Variants in OPHN1 observed in about 807,000 individuals in gnomAD.
OPHN1 encodes the protein oligophrenin 1.
In OPHN1, 11 loss-of-function variants were observed where a neutral mutation model predicts 60.7. That is an observed-to-expected ratio of 0.18 (90% confidence interval 0.11 to 0.30). OPHN1 has a LOEUF of 0.30. OPHN1 is among the 10% of genes least tolerant of loss of function. OPHN1 has a pLI of 1.00. For synonymous variants in OPHN1, 226 were observed against 222.6 expected, an observed-to-expected ratio of 1.02 and a Z score of -0.14; for missense variants, 449 against 611.0, an observed-to-expected ratio of 0.73 and a Z score of 2.80.
chrX:68,249,398 GA>G (rs2077822509), intron 5 of OPHN1, among the ~76,000 whole-genome samples: 1 of 112,003 alleles, frequency 8.9e-6, no homozygotes, highest in African/African-American at 3.2e-5. Flanking sequence ...ACCATTCCTT[GA>G]GAATCTCCTA....
At chrX:68,263,439 A>T (rs1324848137) in intron 5 of OPHN1, among the ~76,000 whole-genome samples, 1 of 111,630 alleles carries the variant, frequency 9.0e-6, no homozygotes, top group Non-Finnish European at 1.9e-5. Context: ...GTCCATCGTC[A>T]ATCGGACAGT....
chrX:68,264,044 G>A (rs1404042135), intron 5 of OPHN1, among the ~76,000 whole-genome samples: 1 of 111,184 alleles, frequency 9.0e-6, no homozygotes, highest in Non-Finnish European at 1.9e-5. Flanking sequence ...GGGAAAACTG[G>A]CTACCCATAT....
Position 68,078,992 on chromosome X carries a change from TA to T in OPHN1, c.1687-5694del, listed in dbSNP as rs894810782. On this transcript the variant is annotated intron_variant, in intron 19 of 24. Coordinates refer to ENST00000355520, the MANE Select transcript of OPHN1 (RefSeq NM_002547.3). ...CAGAGCAAGACTGTCTCAAAATAAA[TA>T]AATAAATAAATAAATAAATAAATAA... Among the ~76,000 whole-genome samples the T allele has an allele frequency of 8.0e-4, 77 of 96,667 alleles. 1 individual carries two copies. The highest frequency in any genetic ancestry group is 2.7e-3 in the African/African-American group (77 of 28,131). The allele number at this position is 96,667 out of a possible 115,157, so 83.9% of individuals were successfully genotyped here.
At chrX:68,199,068 T>A (rs1198589503) in intron 11 of OPHN1, among the ~76,000 whole-genome samples, 1 of 112,502 alleles carries the variant, frequency 8.9e-6, no homozygotes, top group African/African-American at 3.2e-5. Flanking sequence ...AAATGGCTGA[T>A]AACAGTGCCT....
At chrX:68,266,298 A>C (rs1357004062) in intron 5 of OPHN1, among the ~76,000 whole-genome samples, 1 of 111,955 alleles carries the variant, frequency 8.9e-6, no homozygotes, top group Non-Finnish European at 1.9e-5. Flanking sequence ...GTTACCCACA[A>C]AGGGAAGTCC....
At position 68,086,605 on chromosome X, in the gene OPHN1, G is replaced by A. The variant is rs144097962; in HGVS notation, c.1686+10265C>T. Among the ~76,000 whole-genome samples, 54 of 112,024 alleles carry A rather than the reference G, an allele frequency of 4.8e-4. 2 individuals carry two copies. The East Asian group carries it at 0.011, about 23-fold the overall frequency. Reference sequence around the variant, plus strand: ...TGAAGGACATGATTGAACAACTAGCGCATTAGGGTAACCACAAAATAAATC... The same window carrying A: ...TGAAGGACATGATTGAACAACTAGCACATTAGGGTAACCACAAAATAAATC... On this transcript the variant is annotated intron_variant, in intron 19 of 24. Coordinates refer to ENST00000355520, the MANE Select transcript of OPHN1 (RefSeq NM_002547.3).
Position 68,356,891 on chromosome X carries a change from G to A in OPHN1, c.155-57795C>T, listed in dbSNP as rs967518900. On this transcript the variant is annotated intron_variant, in intron 2 of 24. Coordinates refer to ENST00000355520, the MANE Select transcript of OPHN1 (RefSeq NM_002547.3). ...AAAGAAGCCAGTCACGAAAAACCTC[G>A]TGTTGTATGATCCCATTTATATAAA... is the stretch of plus-strand genomic sequence containing the variant. 8.1e-5 allele frequency among the ~76,000 whole-genome samples: 9 copies of A among 111,429 alleles called. No homozygotes were observed. In the South Asian group the frequency reaches 1.1e-3, roughly 14 times the overall value.
At chrX:68,392,742 G>C (rs2078659717) in intron 2 of OPHN1, among the ~76,000 whole-genome samples, 1 of 109,171 alleles carries the variant, frequency 9.2e-6, no homozygotes, top group African/African-American at 3.3e-5. Context: ...AGAGAGAACA[G>C]GAGGAATGTC....
chrX:68,098,525 G>A, intron 18 of OPHN1, among the ~76,000 whole-genome samples: 1 of 111,525 alleles, frequency 9.0e-6, no homozygotes, highest in Admixed American at 9.5e-5. Context: ...TAATTGAGGA[G>A]GACAGAATCC....
chrX:68,376,307 T>C (rs1303644121), intron 2 of OPHN1, among the ~76,000 whole-genome samples: 2 of 111,518 alleles, frequency 1.8e-5, no homozygotes. Context: ...GAAGGCTTTC[T>C]AGAGGAGGGG....
intron 2 of OPHN1, among the ~76,000 whole-genome samples, chrX:68,410,084 A>G (rs938675044): frequency 1.8e-5 from 2 of 111,800 alleles, no homozygotes; most frequent in Non-Finnish European, 3.8e-5. Context: ...TGCAAATATT[A>G]TGGATCCTGA....
chrX:68,209,598 C>T (rs1240491321), intron 9 of OPHN1, among the ~76,000 whole-genome samples: 1 of 111,238 alleles, frequency 9.0e-6, no homozygotes, highest in Non-Finnish European at 1.9e-5. Context: ...AACATATGAC[C>T]CTAATGCAGA....
At chrX:68,235,807 G>A (rs1335931564) in intron 5 of OPHN1, among the ~76,000 whole-genome samples, 1 of 110,477 alleles carries the variant, frequency 9.1e-6, no homozygotes, top group African/African-American at 3.3e-5. Flanking sequence ...ACAGTGAGCC[G>A]AGATTGTGCC....
intron 4 of OPHN1, among the ~76,000 whole-genome samples, chrX:68,282,217 A>G (rs778118651): frequency 9.0e-6 from 1 of 111,483 alleles, no homozygotes; most frequent in African/African-American, 3.3e-5. Context: ...AAATCATACA[A>G]TGGGATATTA....
chrX:68,073,087 G>C, intron 20 of OPHN1, 65 bp downstream of exon 20: 1 of 1,123,333 alleles, frequency 8.9e-7, no homozygotes, highest in Non-Finnish European at 1.2e-6. Context: ...CACCGCTTCT[G>C]CCCTTCGATA....
chrX:68,059,630 A>G (rs188570181), intron 21 of OPHN1, among the ~76,000 whole-genome samples: 74 of 112,214 alleles, frequency 6.6e-4, no homozygotes, highest in Admixed American at 3.6e-3. Flanking sequence ...TCTGTTCCTA[A>G]TACTTTTAGA....
chrX:68,249,478 G>T (rs1321434677), intron 5 of OPHN1, among the ~76,000 whole-genome samples: 1 of 111,756 alleles, frequency 8.9e-6, no homozygotes, highest in African/African-American at 3.3e-5. Context: ...TGTCCAGGCA[G>T]CCAGAGCCAA....
At chrX:68,405,265 G>A (rs1569304852) in intron 2 of OPHN1, among the ~76,000 whole-genome samples, 1 of 111,738 alleles carries the variant, frequency 8.9e-6, no homozygotes, top group Admixed American at 9.6e-5. Context: ...ATGAAGTGGT[G>A]TGATTATAGC....
At chrX:68,379,502 T>C (rs778436192) in intron 2 of OPHN1, among the ~76,000 whole-genome samples, 130 of 104,476 alleles carry the variant, frequency 1.2e-3, no homozygotes, top group African/African-American at 4.4e-3. Context: ...ATCCCTGTCT[T>C]GTGCCAGTTT....
Sources: gnomAD v4.1 joint callset for allele counts (sites outside exome capture counted in the v4.1 genomes callset) on GRCh38, gnomAD v4.1.1 for gene constraint, MANE v1.5 for transcripts, NCBI Gene and HGNC (gene_info 2026-07-23, HGNC 2026-07-21) for gene names.